The following DCAF12L1 variants were observed in gnomAD, a reference collection of about 807,000 sequenced individuals.
DCAF12L1 encodes DDB1 and CUL4 associated factor 12 like 1.
For synonymous variants in DCAF12L1, 218 were observed against 196.4 expected (o/e 1.11, Z -0.92); for missense variants, 251 against 409.2 (o/e 0.61, Z 3.34).
Position 126,552,675 on chromosome X carries a change from G to A in DCAF12L1, c.-67C>T. The A allele has an allele frequency of 8.6e-7, 1 of 1,160,888 alleles. No individual in the cohort carries two copies. Among genetic ancestry groups the A allele is most frequent in the South Asian group, 2.0e-5 (1 of 50,578 alleles). On this transcript the variant is annotated 5_prime_UTR_variant, in exon 1 of 2. Transcript: ENST00000371126. The stretch of plus-strand genomic sequence containing the variant: ...GGTTGCAGCGCGTGGCTCCGGAGTC[G>A]GTCGTGGCGGCGGCGTGGATGGCTG...
rs1214739685 is a variant in DCAF12L1 at position 126,552,683 on chromosome X, CG to C, written c.-76del. 1.7e-5 allele frequency: 20 copies of C among 1,150,547 alleles called. No individual in the cohort carries two copies. Among genetic ancestry groups the C allele is most frequent in the African/African-American group, 1.5e-4 (8 of 54,544 alleles). The allele number at this position is 1,150,547 out of a possible 1,213,427, so 94.8% of individuals were successfully genotyped here. Reference sequence around the variant, plus strand: ...CGCGTGGCTCCGGAGTCGGTCGTGGCGGCGGCGTGGATGGCTGCGCTGGAAC... The same window carrying C: ...CGCGTGGCTCCGGAGTCGGTCGTGGCGCGGCGTGGATGGCTGCGCTGGAAC... On this transcript the variant is annotated 5_prime_UTR_variant, in exon 1 of 2. Transcript: ENST00000371126.
rs769518102 is a variant in DCAF12L1, at chrX:126,551,536, A to C, written c.1073T>G (p.Phe358Cys). 1.7e-6 allele frequency: 2 copies of C among 1,211,268 alleles called. No individual in the cohort carries two copies. The highest frequency in any genetic ancestry group is 2.2e-6 in the Non-Finnish European group (2 of 895,448). The change falls in exon 1 of 2, where the codon TTC becomes TGC. Residue 358 changes from phenylalanine to cysteine, a missense_variant. Phe to Cys is a radical substitution (Grantham distance 205). Transcript: ENST00000371126. ...EGGTGVRSLSFYRHIITVGTG... is the reference protein window; with the variant it reads ...EGGTGVRSLSCYRHIITVGTG... ...GCCCACAGTGATGATGTGGCGGTAGAAGCTCAGCGACCGCACGCCTGTGCC... is the reference window on the plus strand; with the variant it reads ...GCCCACAGTGATGATGTGGCGGTAGCAGCTCAGCGACCGCACGCCTGTGCC...
chrX:126,552,406 A>T lies in DCAF12L1; in HGVS notation c.203T>A (p.Leu68His). 8.3e-7 allele frequency: 1 copy of T among 1,210,705 alleles called. No homozygotes were observed. Among genetic ancestry groups the T allele is most frequent in the East Asian group, 3.0e-5 (1 of 33,793 alleles). ...CCGCAGCTCGCCATCGAAGCCCTGGAGCCTGGCGGGGCCCCACCCGCCTAC... is the reference window on the plus strand; with the variant it reads ...CCGCAGCTCGCCATCGAAGCCCTGGTGCCTGGCGGGGCCCCACCCGCCTAC... The part of the protein sequence containing the change: ...REVGGWGPAR[L>H]QGFDGELRGY... The change falls in exon 1 of 2, where the codon CTC (leucine) becomes CAC (histidine). Residue 68 changes from leucine (L) to histidine (H), a missense_variant. Physicochemically the swap from Leu to His is moderately conservative, Grantham distance 99. Coordinates refer to ENST00000371126, the MANE Select transcript of DCAF12L1 (RefSeq NM_178470.5).
In DCAF12L1 at chrX:126,551,734, C is replaced by T. The variant is rs778762426; in HGVS notation, c.875G>A (p.Gly292Glu). The T allele has an allele frequency of 5.0e-6, 6 of 1,212,112 alleles. No individual in the cohort carries two copies. The highest frequency in any genetic ancestry group is 6.7e-6 in the Non-Finnish European group (6 of 895,588). ...LDGYFHLWKA[G>E]SALSRLLSIR... is the part of the protein sequence containing the mutation. The stretch of plus-strand genomic sequence containing the variant: ...GGACAGCAGCCTGGATAGTGCGCTC[C>T]CGGCTTTCCACAGGTGGAAGTAGCC... Residue 292 changes from glycine (G) to glutamate (E), a missense_variant, in exon 1 of 2, where the codon GGG becomes GAG. Coordinates refer to ENST00000371126, the MANE Select transcript of DCAF12L1 (RefSeq NM_178470.5).
rs763268572 is a variant in DCAF12L1 at position 126,551,821 on chromosome X, C to G, written c.788G>C (p.Arg263Pro). ...GCCGCAGGCCAGGGCCCGCACCTTG[C>G]GGTTACTGGGGTTGATGATGGCCCT... ...IPRAIINPSN[R>P]KVRALACGGK... The change falls in exon 1 of 2, where the codon CGC becomes CCC. Residue 263 changes from arginine (R) to proline (P), a missense_variant. Physicochemically the swap from Arg to Pro is moderately radical, Grantham distance 103. Coordinates refer to ENST00000371126, the MANE Select transcript of DCAF12L1 (RefSeq NM_178470.5). 1.6e-6 allele frequency: 2 copies of G among 1,212,302 alleles called. No homozygotes were observed. The highest frequency in any genetic ancestry group is 3.5e-5 in the South Asian group (2 of 57,043).
rs1927476934 is a variant in DCAF12L1 at position 126,552,245 on chromosome X, C to T, written c.364G>A (p.Val122Met). 8.2e-7 allele frequency: 1 copy of T among 1,212,517 alleles called. No individual in the cohort carries two copies. Among genetic ancestry groups the T allele is most frequent in the Non-Finnish European group, 1.1e-6 (1 of 895,652 alleles). The change falls in exon 1 of 2, where the codon GTG (valine) becomes ATG (methionine). Residue 122 changes from valine (V) to methionine (M), a missense_variant. Val to Met is a conservative substitution (Grantham distance 21, BLOSUM62 1). Transcript: ENST00000371126. ...VCGTKCNTLFVVDVESGHIAR... is the reference protein window; with the variant it reads ...VCGTKCNTLFMVDVESGHIAR... Reference sequence around the variant, plus strand: ...ATGTGGCCTGACTCCACGTCCACCACGAAAAGCGTGTTACACTTGGTGCCG... The same window carrying T: ...ATGTGGCCTGACTCCACGTCCACCATGAAAAGCGTGTTACACTTGGTGCCG...
chrX:126,552,668 C>T lies in DCAF12L1; in HGVS notation c.-60G>A, dbSNP rs1927489140. ...TGGTGGCGGTTGCAGCGCGTGGCTC[C>T]GGAGTCGGTCGTGGCGGCGGCGTGG... is the stretch of plus-strand genomic sequence containing the variant. On this transcript the variant is annotated 5_prime_UTR_variant, in exon 1 of 2. Coordinates refer to ENST00000371126, the MANE Select transcript of DCAF12L1 (RefSeq NM_178470.5). The T allele has an allele frequency of 8.5e-7, 1 of 1,169,966 alleles. No individual in the cohort carries two copies.
Position 126,551,081 on chromosome X carries a change from G to A in DCAF12L1, c.*49C>T, listed in dbSNP as rs981802151. ...CCACTCACTCTCTCTGCTTGGAGGAGTACAAATTAAGCTGGGCTGGTTCCA... is the reference window on the plus strand; with the variant it reads ...CCACTCACTCTCTCTGCTTGGAGGAATACAAATTAAGCTGGGCTGGTTCCA... On this transcript the variant is annotated 3_prime_UTR_variant, in exon 2 of 2. Transcript: ENST00000371126. 3.0e-5 allele frequency: 24 copies of A among 789,795 alleles called. 1 individual carries two copies. The highest frequency in any genetic ancestry group is 3.9e-5 in the Non-Finnish European group (22 of 569,566). The allele number at this position is 789,795 out of a possible 1,213,427, so 65.1% of individuals were successfully genotyped here. A position where few individuals can be genotyped will look rare whatever the true frequency, so the allele number is the denominator to read the frequency against.
In DCAF12L1 at chrX:126,551,419, G is replaced by A. The variant is rs1927457854; in HGVS notation, c.1190C>T (p.Pro397Leu). 1 of 1,210,296 alleles carries A rather than the reference G, an allele frequency of 8.3e-7. No homozygotes were observed. Among genetic ancestry groups the A allele is most frequent in the African/African-American group, 1.7e-5 (1 of 57,273 alleles). ...ASATLESSSG[P>L]ARRKLRLACG... ...GGCAAGCCTGAGCTTCCTCCTTGCA[G>A]GTCCCGAAGAGGACTCCAGGGTGGC... is the stretch of plus-strand genomic sequence containing the variant. The change falls in exon 1 of 2, where the codon CCT becomes CTT. Residue 397 changes from proline to leucine, a missense_variant. Transcript: ENST00000371126.
rs1927450538 is a variant in DCAF12L1 at position 126,551,037 on chromosome X, G to C, written c.*93C>G. On this transcript the variant is annotated 3_prime_UTR_variant, in exon 2 of 2. Coordinates refer to ENST00000371126, the MANE Select transcript of DCAF12L1 (RefSeq NM_178470.5). ...AGGAGTCAAAAAGTCTTAAAGCCAA[G>C]TTTTCATTGACCAAAGGACCACTCA... 1.0e-5 allele frequency: 5 copies of C among 485,313 alleles called. No homozygotes were observed. The highest frequency in any genetic ancestry group is 1.6e-5 in the Non-Finnish European group (5 of 319,399). The allele number at this position is 485,313 out of a possible 1,213,427, so 40.0% of individuals were successfully genotyped here. A position where few individuals can be genotyped will look rare whatever the true frequency, so the allele number is the denominator to read the frequency against.
In DCAF12L1 at chrX:126,552,188, C is replaced by T. The variant is rs201996325; in HGVS notation, c.421G>A (p.Ala141Thr). The change falls in exon 1 of 2, where the codon GCC becomes ACC. Residue 141 changes from alanine to threonine, a missense_variant. Physicochemically the swap from Ala to Thr is moderately conservative, Grantham distance 58 (BLOSUM62 0). Transcript: ENST00000371126. Reference protein sequence around the residue: ...ARIPLLRDSEARLAQDQQGCG... With the variant: ...ARIPLLRDSETRLAQDQQGCG... ...CCCTGTTGGTCCTGGGCCAGCCTGGCCTCACTGTCCCGCAAGAGGGGAATG... is the reference window on the plus strand; with the variant it reads ...CCCTGTTGGTCCTGGGCCAGCCTGGTCTCACTGTCCCGCAAGAGGGGAATG... 1.5e-5 allele frequency: 18 copies of T among 1,211,627 alleles called. No individual in the cohort carries two copies. Among genetic ancestry groups the T allele is most frequent in the Non-Finnish European group, 2.0e-5 (18 of 895,526 alleles).
Position 126,552,633 on chromosome X carries a change from G to C in DCAF12L1, c.-25C>G. On this transcript the variant is annotated 5_prime_UTR_variant, in exon 1 of 2. Coordinates refer to ENST00000371126, the MANE Select transcript of DCAF12L1 (RefSeq NM_178470.5). ...TGGTGGGCGGCGGGCGAGCGGCGGC[G>C]GCAAGGCGTTGGTGGCGGTTGCAGC... 1 of 1,200,572 alleles carries C rather than the reference G, an allele frequency of 8.3e-7. No individual in the cohort carries two copies. The highest frequency in any genetic ancestry group is 1.1e-6 in the Non-Finnish European group (1 of 893,374).
rs754028331 is a variant in DCAF12L1, at chrX:126,551,057, C to T, written c.*73G>A. The T allele has an allele frequency of 1.2e-4, 67 of 574,891 alleles. No homozygotes were observed. The highest frequency in any genetic ancestry group is 1.6e-4 in the Non-Finnish European group (62 of 391,008). The allele number at this position is 574,891 out of a possible 1,213,427, so 47.4% of individuals were successfully genotyped here. A position where few individuals can be genotyped will look rare whatever the true frequency, so the allele number is the denominator to read the frequency against. ...GCCAAGTTTTCATTGACCAAAGGACCACTCACTCTCTCTGCTTGGAGGAGT... is the reference window on the plus strand; with the variant it reads ...GCCAAGTTTTCATTGACCAAAGGACTACTCACTCTCTCTGCTTGGAGGAGT... On this transcript the variant is annotated 3_prime_UTR_variant, in exon 2 of 2. Coordinates refer to ENST00000371126, the MANE Select transcript of DCAF12L1 (RefSeq NM_178470.5).
At position 126,552,393 on chromosome X, in the gene DCAF12L1, A is replaced by C; in HGVS notation, c.216T>G (p.Asp72Glu). The change falls in exon 1 of 2, where the codon GAT (aspartate) becomes GAG (glutamate). Residue 72 changes from aspartate (D) to glutamate (E), a missense_variant. Transcript: ENST00000371126. The part of the protein sequence containing the change: ...GWGPARLQGF[D>E]GELRGYAVQR... ...GTACCGCGTAGCCCCGCAGCTCGCCATCGAAGCCCTGGAGCCTGGCGGGGC... is the reference window on the plus strand; with the variant it reads ...GTACCGCGTAGCCCCGCAGCTCGCCCTCGAAGCCCTGGAGCCTGGCGGGGC... 1.7e-6 allele frequency: 2 copies of C among 1,211,358 alleles called. No individual in the cohort carries two copies. Among genetic ancestry groups the C allele is most frequent in the Non-Finnish European group, 1.1e-6 (1 of 895,427 alleles).
In DCAF12L1 at chrX:126,552,395, C is replaced by T. The variant is rs755444137; in HGVS notation, c.214G>A (p.Asp72Asn). The T allele has an allele frequency of 8.3e-6, 10 of 1,211,357 alleles. No individual in the cohort carries two copies. The highest frequency in any genetic ancestry group is 1.1e-5 in the Non-Finnish European group (10 of 895,433). Reference protein sequence around the residue: ...GWGPARLQGFDGELRGYAVQR... With the variant: ...GWGPARLQGFNGELRGYAVQR... ...ACCGCGTAGCCCCGCAGCTCGCCAT[C>T]GAAGCCCTGGAGCCTGGCGGGGCCC... The change falls in exon 1 of 2, where the codon GAT (aspartate) becomes AAT (asparagine). Residue 72 changes from aspartate (D) to asparagine (N), a missense_variant. Physicochemically the swap from Asp to Asn is conservative, Grantham distance 23. Coordinates refer to ENST00000371126, the MANE Select transcript of DCAF12L1 (RefSeq NM_178470.5).
Position 126,552,762 on chromosome X carries a change from G to T in DCAF12L1, c.-154C>A. ...GTGGCGGACCGGGTGAGGGACGCGC[G>T]GGAGAGGGCGGCGGTGGCGGTGCAG... is the stretch of plus-strand genomic sequence containing the variant. On this transcript the variant is annotated 5_prime_UTR_variant, in exon 1 of 2. Coordinates refer to ENST00000371126, the MANE Select transcript of DCAF12L1 (RefSeq NM_178470.5). 1 of 917,713 alleles carries T rather than the reference G, an allele frequency of 1.1e-6. No individual in the cohort carries two copies. The highest frequency in any genetic ancestry group is 2.6e-5 in the South Asian group (1 of 39,054). 75.6% of individuals were successfully genotyped at this position (917,713 alleles called of 1,213,427 possible). A position where few individuals can be genotyped will look rare whatever the true frequency, so the allele number is the denominator to read the frequency against.
In DCAF12L1 at chrX:126,552,626, C is replaced by A; in HGVS notation, c.-18G>T. Reference sequence around the variant, plus strand: ...TGGGCCATGGTGGGCGGCGGGCGAGCGGCGGCGGCAAGGCGTTGGTGGCGG... The same window carrying A: ...TGGGCCATGGTGGGCGGCGGGCGAGAGGCGGCGGCAAGGCGTTGGTGGCGG... On this transcript the variant is annotated 5_prime_UTR_variant, in exon 1 of 2. Coordinates refer to ENST00000371126, the MANE Select transcript of DCAF12L1 (RefSeq NM_178470.5). 8.3e-7 allele frequency: 1 copy of A among 1,200,848 alleles called. No homozygotes were observed. Among genetic ancestry groups the A allele is most frequent in the Non-Finnish European group, 1.1e-6 (1 of 893,520 alleles).
At position 126,552,236 on chromosome X, in the gene DCAF12L1, C is replaced by T; in HGVS notation, c.373G>A (p.Val125Met). 1.6e-6 allele frequency: 2 copies of T among 1,212,523 alleles called. No individual in the cohort carries two copies. Among genetic ancestry groups the T allele is most frequent in the Non-Finnish European group, 2.2e-6 (2 of 895,653 alleles). Residue 125 changes from valine (V) to methionine (M), a missense_variant, in exon 1 of 2, where the codon GTG (valine) becomes ATG (methionine). Physicochemically the swap from Val to Met is conservative, Grantham distance 21. Transcript: ENST00000371126. ...ATGCGCGCGATGTGGCCTGACTCCACGTCCACCACGAAAAGCGTGTTACAC... is the reference window on the plus strand; with the variant it reads ...ATGCGCGCGATGTGGCCTGACTCCATGTCCACCACGAAAAGCGTGTTACAC... ...TKCNTLFVVD[V>M]ESGHIARIPL... is the part of the protein sequence containing the mutation.
chrX:126,551,984 C>G lies in DCAF12L1; in HGVS notation c.625G>C (p.Val209Leu). The G allele has an allele frequency of 1.6e-6, 2 of 1,212,564 alleles. No individual in the cohort carries two copies. The highest frequency in any genetic ancestry group is 2.2e-6 in the Non-Finnish European group (2 of 895,717). ...ACAGTGCCGTCGCGGGAGCCGCTCACGGCTACGGTGTCACTCAGCCAGGCG... is the reference window on the plus strand; with the variant it reads ...ACAGTGCCGTCGCGGGAGCCGCTCAGGGCTACGGTGTCACTCAGCCAGGCG... Reference protein sequence around the residue: ...AVAWLSDTVAVSGSRDGTVAL... With the variant: ...AVAWLSDTVALSGSRDGTVAL... The change falls in exon 1 of 2, where the codon GTG becomes CTG. Residue 209 changes from valine to leucine, a missense_variant. Coordinates refer to ENST00000371126, the MANE Select transcript of DCAF12L1 (RefSeq NM_178470.5).
Sources: allele counts gnomAD v4.1 joint callset, GRCh38; gene constraint gnomAD v4.1.1; transcripts MANE v1.5; gene names NCBI Gene and HGNC (gene_info 2026-07-23, HGNC 2026-07-21).